The following COL28A1 variants were observed in gnomAD, a reference collection of about 807,000 sequenced individuals.
COL28A1 encodes the protein collagen type XXVIII alpha 1 chain, also known as collagen alpha-1(XXVIII) chain.
COL28A1 carries 161 observed loss-of-function variants against 150.2 expected under a neutral mutation model. The observed-to-expected ratio is 1.07, with a 90% confidence interval of 0.94 to 1.22. COL28A1 has a LOEUF of 1.22. Among genes scored for constraint, COL28A1 ranks in the 50% most tolerant of loss-of-function variants. COL28A1 has a pLI of 0.00. For missense variants in COL28A1, 1,617 were observed against 1,388.3 expected (o/e 1.16, Z -2.62); for synonymous variants, 552 against 469.7 (o/e 1.18, Z -2.26).
Position 7,477,176 on chromosome 7 carries a change from G to T in COL28A1, c.1169C>A (p.Pro390His). 1 of 1,230,980 alleles carries T rather than the reference G, an allele frequency of 8.1e-7. No homozygotes were observed. Among genetic ancestry groups the T allele is most frequent in the Non-Finnish European group, 1.2e-6 (1 of 829,672 alleles). The allele number at this position is 1,230,980 out of a possible 1,614,324, so 76.3% of individuals were successfully genotyped here. Reference protein sequence around the residue: ...IGVGEPGQPGPRGPEGVPGER... With the variant: ...IGVGEPGQPGHRGPEGVPGER... Reference sequence around the variant, plus strand: ...TCCTGGTACTCCCTCAGGACCACGGGGACCCTGGTTAGGATAGGAGAAAAT... The same window carrying T: ...TCCTGGTACTCCCTCAGGACCACGGTGACCCTGGTTAGGATAGGAGAAAAT... Residue 390 changes from proline to histidine, a missense_variant, in exon 14 of 35, where the codon CCC (proline) becomes CAC (histidine). Transcript: ENST00000399429.
intron 33 of COL28A1, among the ~76,000 whole-genome samples, chr7:7,368,009 A>AT (rs1305727289): frequency 6.6e-6 from 1 of 151,756 alleles, no homozygotes; most frequent in Non-Finnish European, 1.5e-5. Context: ...CCTCCTTTTT[A>AT]TTCCCAGTGC....
intron 28 of COL28A1, 98 bp from the exon 29 acceptor site, chr7:7,380,960 G>C: frequency 9.9e-7 from 1 of 1,011,072 alleles, no homozygotes; most frequent in Non-Finnish European, 1.5e-6. Context: ...GGCATCTCTT[G>C]AAGACCTTCA....
intron 33 of COL28A1, among the ~76,000 whole-genome samples, chr7:7,366,755 C>T (rs1041357146): frequency 1.3e-5 from 2 of 152,120 alleles, no homozygotes; most frequent in Non-Finnish European, 2.9e-5. Context: ...AAGGAAGAGA[C>T]AACAAAAGGG....
At chr7:7,370,383 A>G (rs926312284) in intron 33 of COL28A1, among the ~76,000 whole-genome samples, 1 of 152,174 alleles carries the variant, frequency 6.6e-6, no homozygotes, top group Non-Finnish European at 1.5e-5. Flanking sequence ...CTGGTATGAA[A>G]GGCACTGCAC....
intron 23 of COL28A1, among the ~76,000 whole-genome samples, chr7:7,435,030 T>C (rs868485139): frequency 3.9e-5 from 6 of 152,024 alleles, no homozygotes; most frequent in African/African-American, 1.4e-4. Context: ...ACTAATGAAC[T>C]AGGGAAGAAC....
At chr7:7,384,433 C>T (rs1425716512) in intron 27 of COL28A1, among the ~76,000 whole-genome samples, 1 of 152,082 alleles carries the variant, frequency 6.6e-6, no homozygotes, top group Non-Finnish European at 1.5e-5. Flanking sequence ...TTACACTTAC[C>T]CACAGTCAAC....
the COL28A1 span, among the ~76,000 whole-genome samples, chr7:7,348,179 G>A: frequency 1.2e-4 from 19 of 152,142 alleles, no homozygotes; most frequent in Non-Finnish European, 2.5e-4. Context: ...TTTTGATGCC[G>A]TTAACTAAGA....
intron 9 of COL28A1, among the ~76,000 whole-genome samples, chr7:7,507,960 T>G (rs1780906035): frequency 6.6e-6 from 1 of 152,138 alleles, no homozygotes; most frequent in Admixed American, 6.5e-5. Flanking sequence ...CGGCCAGGCG[T>G]GCTGGCTCAC....
Position 7,358,459 on chromosome 7 carries a change from C to T in COL28A1, c.*174G>A. The T allele has an allele frequency of 3.7e-6, 2 of 534,878 alleles. No homozygotes were observed. Among genetic ancestry groups the T allele is most frequent in the Non-Finnish European group, 6.3e-6 (2 of 319,512 alleles). The allele number at this position is 534,878 out of a possible 1,614,324, so 33.1% of individuals were successfully genotyped here. A position where few individuals can be genotyped will look rare whatever the true frequency, so the allele number is the denominator to read the frequency against. On this transcript the variant is annotated 3_prime_UTR_variant, in exon 35 of 35. Coordinates refer to ENST00000399429, the MANE Select transcript of COL28A1 (RefSeq NM_001037763.3). ...ACTTCTCAGAGCCTCAGCTTTCTTA[C>T]CTATATAAGTGGTTAATAATATGTA...
At chr7:7,450,699 C>T (rs1786625049) in intron 18 of COL28A1, among the ~76,000 whole-genome samples, 1 of 152,182 alleles carries the variant, frequency 6.6e-6, no homozygotes, top group South Asian at 2.1e-4. Context: ...GAAACTTGTC[C>T]TCCAACGTGT....
At chr7:7,458,339 C>G (rs563812346) in intron 15 of COL28A1, among the ~76,000 whole-genome samples, 3 of 150,316 alleles carry the variant, frequency 2.0e-5, no homozygotes, top group African/African-American at 7.3e-5. Flanking sequence ...TCATTTGAAC[C>G]GGGGAGGTGA....
At chr7:7,398,313 C>T (rs1048205640) in intron 27 of COL28A1, among the ~76,000 whole-genome samples, 3 of 152,152 alleles carry the variant, frequency 2.0e-5, no homozygotes, top group African/African-American at 7.2e-5. Flanking sequence ...AGATTGTTTC[C>T]TGCAATCATT....
At chr7:7,535,525 A>C (rs1231909578) in intron 1 of COL28A1, among the ~76,000 whole-genome samples, 1 of 151,866 alleles carries the variant, frequency 6.6e-6, no homozygotes, top group Non-Finnish European at 1.5e-5. Context: ...AATTTAGAAG[A>C]CTGTAAATTA....
chr7:7,447,805 G>C (rs1256866059), intron 18 of COL28A1, among the ~76,000 whole-genome samples: 1 of 152,064 alleles, frequency 6.6e-6, no homozygotes, highest in Non-Finnish European at 1.5e-5. Context: ...AACACAGAGA[G>C]AAAAGAGACT....
intron 32 of COL28A1, 84 bp downstream of exon 32, chr7:7,372,914 C>T: frequency 1.7e-6 from 2 of 1,165,334 alleles, no homozygotes; most frequent in Middle Eastern, 2.1e-4. Context: ...CCAGATTTTT[C>T]TATTTGGTCA....
At chr7:7,490,985 G>GT (rs1779884226) in intron 11 of COL28A1, among the ~76,000 whole-genome samples, 1 of 152,178 alleles carries the variant, frequency 6.6e-6, no homozygotes, top group Admixed American at 6.5e-5. Flanking sequence ...ATTTTTTAAT[G>GT]TGTTTATGGA....
rs142406572 is a variant in COL28A1, at chr7:7,457,832, C to G, written c.1303-1720G>C. On this transcript the variant is annotated intron_variant, in intron 15 of 34. Coordinates refer to ENST00000399429, the MANE Select transcript of COL28A1 (RefSeq NM_001037763.3). The stretch of plus-strand genomic sequence containing the variant: ...AAATTAGTTGATGACAGAGAATTGA[C>G]CGCTGGATTGAGTAACATGGTTAAC... 3.3e-3 allele frequency among the ~76,000 whole-genome samples: 509 copies of G among 152,264 alleles called. 1 individual carries two copies. Among genetic ancestry groups the G allele is most frequent in the Admixed American group, 5.1e-3 (78 of 15,298 alleles).
intron 27 of COL28A1, among the ~76,000 whole-genome samples, chr7:7,390,323 T>G (rs1782461721): frequency 6.6e-6 from 1 of 152,226 alleles, no homozygotes; most frequent in East Asian, 1.9e-4. Flanking sequence ...GAACCAGCCT[T>G]GCATCCCAGG....
intron 33 of COL28A1, among the ~76,000 whole-genome samples, chr7:7,365,768 A>G (rs114010531): frequency 0.015 from 2,310 of 152,196 alleles, 64 homozygotes; most frequent in African/African-American, 0.053. Flanking sequence ...AATTTCTCCA[A>G]TTTGGCTCTG....
Sources: allele counts gnomAD v4.1 joint callset (sites outside exome capture counted in the v4.1 genomes callset), GRCh38; gene constraint gnomAD v4.1.1; transcripts MANE v1.5; gene names NCBI Gene and HGNC (gene_info 2026-07-23, HGNC 2026-07-21).